The following TET1 variants were observed in gnomAD, a reference collection of about 807,000 sequenced individuals.
The protein encoded by TET1 is tet methylcytosine dioxygenase 1, also known as methylcytosine dioxygenase TET1.
TET1 carries 13 observed loss-of-function variants against 148.7 expected under a neutral mutation model. That is an observed-to-expected ratio of 0.09 (90% CI 0.06 to 0.14). TET1 has a LOEUF of 0.14. Ranked by LOEUF, TET1 falls within the 10% of genes least tolerant of loss-of-function variation. The pLI, the probability that TET1 is intolerant of heterozygous loss-of-function variation, is 1.00. For synonymous variants in TET1, 907 were observed against 937.2 expected (o/e 0.97, Z 0.59); for missense variants, 2,182 against 2,553.8 (o/e 0.85, Z 3.14).
rs2053683469 is a variant in TET1, at chr10:68,572,672, A to T, written c.334A>T (p.Ser112Cys). The T allele has an allele frequency of 6.2e-7, 1 of 1,614,140 alleles. No individual in the cohort carries two copies. The change falls in exon 2 of 12, where the codon AGC (serine) becomes TGC (cysteine). Residue 112 changes from serine to cysteine, a missense_variant. This residue lies in a region of TET1 where 665 missense variants were observed against 672.4 expected (regional missense o/e 0.99). Transcript: ENST00000373644. The stretch of plus-strand genomic sequence containing the variant: ...AATGGCGCTACGAAGCACCTCTCTT[A>T]GCAGGCGACTCTCCCAACCCCCACT... ...FTMALRSTSL[S>C]RRLSQPPLVV... is the part of the protein sequence containing the mutation.
intron 4 of TET1, among the ~76,000 whole-genome samples, chr10:68,651,083 T>C (rs1027413585): frequency 6.6e-6 from 1 of 152,200 alleles, no homozygotes; most frequent in African/African-American, 2.4e-5. Flanking sequence ...TTAAACCACA[T>C]GTTATTGACA....
At chr10:68,652,089 G>A (rs761275210) in intron 5 of TET1, among the ~76,000 whole-genome samples, 153 bp downstream of exon 5, 2 of 152,140 alleles carry the variant, frequency 1.3e-5, no homozygotes, top group African/African-American at 4.8e-5. Context: ...GGGTGTCCTC[G>A]TGTCCCTACT....
Position 68,645,889 on chromosome 10 carries a change from A to G in TET1, c.3160A>G (p.Ser1054Gly). 6.2e-7 allele frequency: 1 copy of G among 1,614,120 alleles called. No individual in the cohort carries two copies. Among genetic ancestry groups the G allele is most frequent in the Non-Finnish European group, 8.5e-7 (1 of 1,180,022 alleles). ...EVEYCNQLLD[S>G]SKKLDSDDLS... ...GGAGTATTGCAACCAGTTACTGGAC[A>G]GCAGCAAAAAATTGGACTCAGATGA... The change falls in exon 4 of 12, where the codon AGC becomes GGC. Residue 1054 changes from serine to glycine, a missense_variant. Physicochemically the swap from Ser to Gly is moderately conservative, Grantham distance 56. This residue lies in a region of TET1 where 582 missense variants were observed against 599.5 expected (regional missense o/e 0.97). Coordinates refer to ENST00000373644, the MANE Select transcript of TET1 (RefSeq NM_030625.3).
chr10:68,561,136 T>C (rs948864337), intron 1 of TET1, among the ~76,000 whole-genome samples: 1 of 151,938 alleles, frequency 6.6e-6, no homozygotes, highest in Admixed American at 6.6e-5. Context: ...CCTGGCCCCT[T>C]TGGGGAGTTG....
chr10:68,610,387 G>C (rs539778411), intron 3 of TET1, among the ~76,000 whole-genome samples: 3 of 151,518 alleles, frequency 2.0e-5, no homozygotes, highest in African/African-American at 7.3e-5. Flanking sequence ...AGCTCAACCA[G>C]CCTGGCCAAC....
At chr10:68,661,817 A>AC (rs776665761) in intron 6 of TET1, among the ~76,000 whole-genome samples, 26,824 of 150,760 alleles carry the variant, frequency 0.18, 2,964 homozygotes, top group African/African-American at 0.31. Context: ...TTTGTTAAAA[A>AC]AACACACACA....
At chr10:68,649,343 C>A (rs1356442331) in intron 4 of TET1, among the ~76,000 whole-genome samples, 2 of 152,100 alleles carry the variant, frequency 1.3e-5, no homozygotes, top group Admixed American at 1.3e-4. Context: ...TGCAGTGGCT[C>A]ACGCCTGTAA....
At chr10:68,605,270 C>T (rs1407993550) in intron 3 of TET1, among the ~76,000 whole-genome samples, 2 of 151,968 alleles carry the variant, frequency 1.3e-5, no homozygotes, top group Non-Finnish European at 2.9e-5. Context: ...GTTGGGTGTT[C>T]GAGACCAGCC....
At chr10:68,629,317 A>G (rs1432834861) in intron 3 of TET1, among the ~76,000 whole-genome samples, 2 of 152,006 alleles carry the variant, frequency 1.3e-5, no homozygotes, top group African/African-American at 4.8e-5. Context: ...GTGAGCCGAG[A>G]TTGTGCCACT....
At chr10:68,623,024 G>T (rs1402529487) in intron 3 of TET1, among the ~76,000 whole-genome samples, 1 of 152,046 alleles carries the variant, frequency 6.6e-6, no homozygotes, top group African/African-American at 2.4e-5. Context: ...TTGGCTTAAG[G>T]GTTTTACAGA....
At chr10:68,583,908 A>G (rs1276601375) in intron 2 of TET1, among the ~76,000 whole-genome samples, 5 of 150,878 alleles carry the variant, frequency 3.3e-5, no homozygotes, top group African/African-American at 9.7e-5. Context: ...TCTGTCTCCA[A>G]AAAAAAAAGA....
chr10:68,570,166 G>T (rs1005444282), intron 1 of TET1, among the ~76,000 whole-genome samples: 1 of 151,520 alleles, frequency 6.6e-6, no homozygotes, highest in African/African-American at 2.4e-5. Context: ...GTGCCATGGT[G>T]CAATCTCAGC....
chr10:68,676,254 A>G (rs77179083), intron 8 of TET1, among the ~76,000 whole-genome samples: 1,245 of 36,524 alleles, frequency 0.034, 43 homozygotes, highest in Middle Eastern at 0.13. Flanking sequence ...ATATATATAT[A>G]TATATATATA....
At position 68,645,794 on chromosome 10, in the gene TET1, C is replaced by T. The variant is rs2054835206; in HGVS notation, c.3065C>T (p.Ala1022Val). 6.2e-7 allele frequency: 1 copy of T among 1,613,842 alleles called. No individual in the cohort carries two copies. The highest frequency in any genetic ancestry group is 1.3e-5 in the African/African-American group (1 of 74,876). Reference protein sequence around the residue: ...SSKIDTNKSIAQGIITLDNCS... With the variant: ...SSKIDTNKSIVQGIITLDNCS... The stretch of plus-strand genomic sequence containing the variant: ...AAGATTGACACCAATAAAAGTATTG[C>T]TCAAGGGATAATTACTCTTGACAAT... Residue 1022 changes from alanine to valine, a missense_variant, in exon 4 of 12, where the codon GCT becomes GTT. Around this residue, in one of 11 missense-constraint regions of TET1, gnomAD observed 582 missense variants for 599.5 expected, o/e 0.97. Transcript: ENST00000373644.
At chr10:68,569,826 G>A (rs570322112) in intron 1 of TET1, among the ~76,000 whole-genome samples, 1 of 151,984 alleles carries the variant, frequency 6.6e-6, no homozygotes, top group South Asian at 2.1e-4. Context: ...AAACTACAAG[G>A]GGTGTGGTTT....
chr10:68,619,347 A>C (rs1564971722), intron 3 of TET1, among the ~76,000 whole-genome samples: 1 of 152,020 alleles, frequency 6.6e-6, no homozygotes. Context: ...CTCCCACCTC[A>C]GTCTCCTAAG....
intron 11 of TET1, among the ~76,000 whole-genome samples, chr10:68,689,705 G>A (rs778471265): frequency 2.0e-5 from 3 of 152,070 alleles, no homozygotes; most frequent in Non-Finnish European, 4.4e-5. Flanking sequence ...CTTGAACCTG[G>A]GAGGCAGAAA....
rs776475811 is a variant in TET1, at chr10:68,573,673, T to C, written c.1335T>C (p.Ala445=). Residue 445 remains alanine (A), a synonymous_variant, in exon 2 of 12, where the codon GCT becomes GCC. Transcript: ENST00000373644. ...VPPNPIATFN[A]PSKWPEPQST... ...CAAATCCAATTGCTACCTTTAATGC[T>C]CCTTCCAAATGGCCTGAGCCCCAAA... The C allele has an allele frequency of 5.0e-6, 8 of 1,614,048 alleles. No individual in the cohort carries two copies. The African/African-American group carries it at 1.1e-4, about 22-fold the overall frequency.
intron 3 of TET1, among the ~76,000 whole-genome samples, chr10:68,636,585 G>A (rs1468219119): frequency 6.6e-6 from 1 of 152,204 alleles, no homozygotes; most frequent in Admixed American, 6.5e-5. Flanking sequence ...AGCTTCAGGG[G>A]ATCCCTTGAG....
Sources: allele counts gnomAD v4.1 joint callset (sites outside exome capture counted in the v4.1 genomes callset), GRCh38; gene constraint gnomAD v4.1.1; regional missense constraint gnomAD v4.1.1; transcripts MANE v1.5; gene names NCBI Gene and HGNC (gene_info 2026-07-23, HGNC 2026-07-21).